Variants in PARD3 observed in about 807,000 individuals in gnomAD.
PARD3 encodes par-3 family cell polarity regulator, also known as partitioning defective 3 homolog.
Under a neutral mutation model 155.4 loss-of-function variants are expected in PARD3, and 75 were observed. The observed-to-expected ratio is 0.48, with a 90% confidence interval of 0.40 to 0.58. The LOEUF is 0.58. Ranked by LOEUF, PARD3 falls within the 20% of genes least tolerant of loss-of-function variation. The pLI, the probability that PARD3 is intolerant of heterozygous loss-of-function variation, is 0.00. For synonymous variants in PARD3, 576 were observed against 610.5 expected (o/e 0.94, Z 0.83); for missense variants, 1,642 against 1,721.7 (o/e 0.95, Z 0.82).
In PARD3 at chr10:34,375,906, T is replaced by C. The variant is rs12413916; in HGVS notation, c.1540-904A>G. ...ATTAAGGAATTGCAGACAGAAGGAC[T>C]GAATTCAAGTTCCAGTGGAGACTCT... On this transcript the variant is annotated intron_variant, in intron 10 of 24. Coordinates refer to ENST00000374788, the MANE Select transcript of PARD3 (RefSeq NM_001184785.2). Among the ~76,000 whole-genome samples, 883 of 152,272 alleles carry C rather than the reference T, an allele frequency of 5.8e-3. 28 individuals are homozygous for C. Among genetic ancestry groups the C allele is most frequent in the Admixed American group, 0.049 (756 of 15,288 alleles).
intron 1 of PARD3, among the ~76,000 whole-genome samples, chr10:34,796,803 G>A (rs571975954): frequency 1.3e-5 from 2 of 152,230 alleles, no homozygotes; most frequent in Non-Finnish European, 2.9e-5. Context: ...TGGCCAAAAT[G>A]GCAAAACCCC....
intron 4 of PARD3, among the ~76,000 whole-genome samples, chr10:34,451,250 G>A (rs1169688345): frequency 6.6e-6 from 1 of 152,134 alleles, no homozygotes; most frequent in Admixed American, 6.5e-5. Flanking sequence ...GAGAAAGCTA[G>A]GATAAACTAG....
chr10:34,185,772 A>C (rs527589691), intron 22 of PARD3, among the ~76,000 whole-genome samples: 1 of 150,986 alleles, frequency 6.6e-6, no homozygotes, highest in Non-Finnish European at 1.5e-5. Context: ...CTGAGTAGGC[A>C]GCCAGGTAAA....
chr10:34,111,449 C>G lies in PARD3; in HGVS notation c.3782G>C (p.Gly1261Ala), dbSNP rs754969684. 1.1e-5 allele frequency: 18 copies of G among 1,614,014 alleles called. No individual in the cohort carries two copies. The highest frequency in any genetic ancestry group is 3.3e-5 in the Admixed American group (2 of 59,996). Residue 1261 changes from glycine to alanine, a missense_variant, in exon 25 of 25, where the codon GGC (glycine) becomes GCC (alanine). Transcript: ENST00000374788. The stretch of plus-strand genomic sequence containing the variant: ...TCCTCCCAGGTAGCCGTTCCTGGAG[C>G]CTTGGTAGCTGGAGTACCTGGGGTT... ...KENPRYSSYQGSRNGYLGGHG... is the reference protein window; with the variant it reads ...KENPRYSSYQASRNGYLGGHG...
rs113339893 is a variant in PARD3, at chr10:34,727,137, C to T, written c.121-30718G>A. 5.5e-3 allele frequency among the ~76,000 whole-genome samples: 839 copies of T among 152,288 alleles called. 8 individuals carry two copies. Among genetic ancestry groups the T allele is most frequent in the African/African-American group, 0.019 (798 of 41,550 alleles). On this transcript the variant is annotated intron_variant, in intron 1 of 24. Transcript: ENST00000374788. ...CTGTGTGGTGGGGGATTCCATCCTT[C>T]CAATATGTTTAAAGACTTTGGCTCA...
chr10:34,509,306 A>G (rs1395369809), intron 3 of PARD3, among the ~76,000 whole-genome samples: 1 of 152,090 alleles, frequency 6.6e-6, no homozygotes, highest in East Asian at 1.9e-4. Context: ...CTTCGTGTTC[A>G]ATATGCATCA....
rs1179960762 is a variant in PARD3 at position 34,605,609 on chromosome 10, CTA to C, written c.223-88452_223-88451del. ...TATATCTCCTATATATATATATCTC[CTA>C]TATATATATCTCCTATATATATATA... On this transcript the variant is annotated intron_variant, in intron 2 of 24. Transcript: ENST00000374788. Among the ~76,000 whole-genome samples the C allele has an allele frequency of 9.3e-3, 203 of 21,802 alleles. 13 individuals are homozygous for C. The highest frequency in any genetic ancestry group is 0.013 in the East Asian group (11 of 874). 14.3% of individuals were successfully genotyped at this position (21,802 alleles called of 152,430 possible).
At chr10:34,198,674 T>A (rs1951068755) in intron 22 of PARD3, among the ~76,000 whole-genome samples, 1 of 152,210 alleles carries the variant, frequency 6.6e-6, no homozygotes, top group African/African-American at 2.4e-5. Flanking sequence ...CTACCTGTCA[T>A]TTTGTTTTAC....
chr10:34,422,002 T>TG (rs2075339624), intron 5 of PARD3, among the ~76,000 whole-genome samples: 1 of 151,950 alleles, frequency 6.6e-6, no homozygotes, highest in Non-Finnish European at 1.5e-5. Flanking sequence ...AGAAGATATC[T>TG]GGGTAAAGCA....
intron 22 of PARD3, among the ~76,000 whole-genome samples, chr10:34,228,227 A>G (rs60968788): frequency 0.025 from 3,762 of 151,944 alleles, 190 homozygotes; most frequent in African/African-American, 0.085. Flanking sequence ...CATGGACACA[A>G]AGAGGGAACA....
chr10:34,266,769 T>A (rs915805295), intron 22 of PARD3, among the ~76,000 whole-genome samples: 12 of 152,252 alleles, frequency 7.9e-5, no homozygotes, highest in African/African-American at 2.9e-4. Context: ...GAGTTTCAGT[T>A]TGGGGTTAGC....
chr10:34,632,345 T>A (rs191738277), intron 2 of PARD3, among the ~76,000 whole-genome samples: 1 of 152,234 alleles, frequency 6.6e-6, no homozygotes, highest in Non-Finnish European at 1.5e-5. Flanking sequence ...TAAGAAGTAC[T>A]CCCAGAATCC....
chr10:34,689,655 T>C (rs1485615164), intron 2 of PARD3, among the ~76,000 whole-genome samples: 2 of 152,222 alleles, frequency 1.3e-5, no homozygotes, highest in African/African-American at 4.8e-5. Context: ...TTTTAATTTG[T>C]ATAGGAAATA....
intron 5 of PARD3, among the ~76,000 whole-genome samples, chr10:34,408,003 T>G (rs1844668848): frequency 6.6e-6 from 1 of 152,086 alleles, no homozygotes; most frequent in East Asian, 1.9e-4. Context: ...ACTGTCTAAT[T>G]CAGAGGAACA....
intron 2 of PARD3, among the ~76,000 whole-genome samples, chr10:34,622,299 A>T (rs1308186330): frequency 6.6e-6 from 1 of 152,234 alleles, no homozygotes; most frequent in Non-Finnish European, 1.5e-5. Context: ...TATTTGATAT[A>T]AATATTAATT....
chr10:34,644,006 C>T (rs2132977352), intron 2 of PARD3, among the ~76,000 whole-genome samples: 1 of 152,320 alleles, frequency 6.6e-6, no homozygotes, highest in Non-Finnish European at 1.5e-5. Flanking sequence ...CGTGTGCACA[C>T]ATGTGTATGC....
At chr10:34,433,670 G>C (rs565525016) in intron 5 of PARD3, among the ~76,000 whole-genome samples, 1 of 152,258 alleles carries the variant, frequency 6.6e-6, no homozygotes, top group East Asian at 1.9e-4. Flanking sequence ...ATCTAGAGGA[G>C]ATTCTTGAAA....
Position 34,611,929 on chromosome 10 carries a change from C to CA in PARD3, c.222+84388_222+84389insT, listed in dbSNP as rs2090929677. Among the ~76,000 whole-genome samples, 7 of 99,890 alleles carry CA rather than the reference C, an allele frequency of 7.0e-5. 1 individual carries two copies. The South Asian group carries it at 2.9e-3, about 42-fold the overall frequency. The allele number at this position is 99,890 out of a possible 152,430, so 65.5% of individuals were successfully genotyped here. On this transcript the variant is annotated intron_variant, in intron 2 of 24. Transcript: ENST00000374788. The stretch of plus-strand genomic sequence containing the variant: ...GGTTCACACCATTCCCCTGCCTCAG[C>CA]GCCCCCCCTACCCCCCCGCCCCGAG...
intron 2 of PARD3, among the ~76,000 whole-genome samples, chr10:34,693,682 G>A (rs1487055604): frequency 1.3e-5 from 2 of 152,052 alleles, no homozygotes; most frequent in East Asian, 3.9e-4. Context: ...TAACAAACCT[G>A]CACATGTACC....
Sources: gnomAD v4.1 joint callset for allele counts (sites outside exome capture counted in the v4.1 genomes callset) on GRCh38, gnomAD v4.1.1 for gene constraint, MANE v1.5 for transcripts, NCBI Gene and HGNC (gene_info 2026-07-23, HGNC 2026-07-21) for gene names.